Variants in PCDH9 observed in about 807,000 individuals in gnomAD.
PCDH9 encodes protocadherin 9, also known as protocadherin-9.
A neutral mutation model predicts 70.6 loss-of-function variants in PCDH9; 24 were observed. The ratio of observed to expected loss-of-function variants is 0.34; its 90% CI spans 0.25 to 0.48. The LOEUF (loss-of-function observed/expected upper bound fraction) is 0.48, where lower values mean the gene tolerates loss of function less well. Among genes scored for constraint, PCDH9 ranks in the 20% least tolerant of loss-of-function variants. The probability of loss-of-function intolerance (pLI) is 0.99; values close to 1 mark genes in which losing one functional copy is unlikely to be tolerated. For missense variants in PCDH9, 1,281 were observed against 1,503.6 expected (o/e 0.85, Z 2.45); for synonymous variants, 562 against 558.5 (o/e 1.01, Z -0.09).
At chr13:66,576,192 A>C (rs886841612) in intron 4 of PCDH9, among the ~76,000 whole-genome samples, 1 of 151,974 alleles carries the variant, frequency 6.6e-6, no homozygotes, top group African/African-American at 2.4e-5. Context: ...ATTTATAAAC[A>C]CTTTATTTCT....
intron 3 of PCDH9, among the ~76,000 whole-genome samples, chr13:66,684,907 T>C (rs2078378513): frequency 6.6e-6 from 1 of 152,098 alleles, no homozygotes; most frequent in African/African-American, 2.4e-5. Context: ...TAGAGACTTG[T>C]TGAATGCAAA....
At chr13:66,340,771 G>A (rs1400102010) in intron 4 of PCDH9, among the ~76,000 whole-genome samples, 1 of 152,164 alleles carries the variant, frequency 6.6e-6, no homozygotes, top group Non-Finnish European at 1.5e-5. Context: ...CTACCTGTGT[G>A]ATGATCCAAC....
At chr13:66,968,737 C>A (rs1353453374) in intron 2 of PCDH9, among the ~76,000 whole-genome samples, 1 of 151,940 alleles carries the variant, frequency 6.6e-6, no homozygotes, top group Non-Finnish European at 1.5e-5. Context: ...TATCACAACA[C>A]CAGAAACCTC....
At chr13:66,479,155 T>C (rs1426472416) in intron 4 of PCDH9, among the ~76,000 whole-genome samples, 1 of 152,194 alleles carries the variant, frequency 6.6e-6, no homozygotes, top group African/African-American at 2.4e-5. Context: ...GCCTATCTTT[T>C]GAGAGCATGG....
chr13:67,127,888 T>C (rs1161327063), intron 2 of PCDH9, among the ~76,000 whole-genome samples: 1 of 152,068 alleles, frequency 6.6e-6, no homozygotes, highest in Non-Finnish European at 1.5e-5. Flanking sequence ...TATATGTCTG[T>C]CATTTTGTTA....
chr13:66,719,419 A>G (rs1181790494), intron 3 of PCDH9, among the ~76,000 whole-genome samples: 1 of 152,134 alleles, frequency 6.6e-6, no homozygotes, highest in Non-Finnish European at 1.5e-5. Flanking sequence ...GATTAGTGTT[A>G]TTATGAAAGA....
intron 4 of PCDH9, among the ~76,000 whole-genome samples, chr13:66,533,597 C>T (rs1393215151): frequency 2.0e-5 from 3 of 151,978 alleles, no homozygotes; most frequent in Non-Finnish European, 2.9e-5. Flanking sequence ...GACATTCAAC[C>T]TAATGATTGA....
chr13:67,032,618 A>G (rs530577940), intron 2 of PCDH9, among the ~76,000 whole-genome samples: 20 of 152,342 alleles, frequency 1.3e-4, no homozygotes, highest in Non-Finnish European at 2.5e-4. Flanking sequence ...GGGTGTTTTT[A>G]TATGTTATTA....
At chr13:66,590,053 A>G (rs2077018746) in intron 4 of PCDH9, among the ~76,000 whole-genome samples, 1 of 152,066 alleles carries the variant, frequency 6.6e-6, no homozygotes, top group Non-Finnish European at 1.5e-5. Flanking sequence ...TGGCCAAAAT[A>G]AAAGCAGAGT....
chr13:66,367,855 CTG>C (rs1225776486), intron 4 of PCDH9, among the ~76,000 whole-genome samples: 1 of 152,060 alleles, frequency 6.6e-6, no homozygotes, highest in Non-Finnish European at 1.5e-5. Flanking sequence ...TCTAGGAACT[CTG>C]TAAAGCTTAT....
At chr13:67,124,019 A>G (rs1347358256) in intron 2 of PCDH9, among the ~76,000 whole-genome samples, 7 of 152,184 alleles carry the variant, frequency 4.6e-5, no homozygotes, top group African/African-American at 1.4e-4. Context: ...ATGCCTAGCC[A>G]TGACTGAATA....
At chr13:66,559,833 T>TATATATATACAC (rs777316241) in intron 4 of PCDH9, among the ~76,000 whole-genome samples, 3 of 87,120 alleles carry the variant, frequency 3.4e-5, no homozygotes, top group Admixed American at 1.8e-4. Flanking sequence ...TATATATATA[T>TATATATATACAC]ACACACACAC....
At chr13:66,967,734 CA>C (rs1401703824) in intron 2 of PCDH9, among the ~76,000 whole-genome samples, 1 of 151,960 alleles carries the variant, frequency 6.6e-6, no homozygotes, top group Non-Finnish European at 1.5e-5. Flanking sequence ...TTAATTTGAT[CA>C]TTGTATTTTA....
chr13:66,326,912 A>C (rs1166014315), intron 4 of PCDH9, among the ~76,000 whole-genome samples: 2 of 150,682 alleles, frequency 1.3e-5, no homozygotes, highest in Non-Finnish European at 2.9e-5. Flanking sequence ...TTAGTTTCAG[A>C]CCTGCTGCTT....
intron 2 of PCDH9, among the ~76,000 whole-genome samples, chr13:67,011,446 A>G (rs1196424549): frequency 6.6e-6 from 1 of 151,876 alleles, no homozygotes; most frequent in African/African-American, 2.4e-5. Context: ...GAGATGGGAA[A>G]TTTGCCAGAA....
At chr13:67,006,088 C>G (rs541903591) in intron 2 of PCDH9, among the ~76,000 whole-genome samples, 2 of 152,106 alleles carry the variant, frequency 1.3e-5, no homozygotes, top group African/African-American at 2.4e-5. Context: ...TTAGTCGGGC[C>G]TGGCGGCAGG....
At chr13:66,818,600 C>G (rs1325393681) in intron 3 of PCDH9, among the ~76,000 whole-genome samples, 1 of 152,124 alleles carries the variant, frequency 6.6e-6, no homozygotes, top group African/African-American at 2.4e-5. Context: ...AAATCCTGGT[C>G]AAGCCAGAAA....
At chr13:67,173,585 G>A (rs1250631088) in intron 2 of PCDH9, among the ~76,000 whole-genome samples, 2 of 152,020 alleles carry the variant, frequency 1.3e-5, no homozygotes, top group Non-Finnish European at 2.9e-5. Flanking sequence ...CTGGAATGGT[G>A]AACTCAAATC....
chr13:66,562,326 A>C (rs971642060), intron 4 of PCDH9, among the ~76,000 whole-genome samples: 5 of 152,190 alleles, frequency 3.3e-5, no homozygotes, highest in African/African-American at 1.2e-4. Context: ...AAACCTTTAG[A>C]GCTCCTAGTT....
Sources: allele counts gnomAD v4.1 joint callset (sites outside exome capture counted in the v4.1 genomes callset), GRCh38; gene constraint gnomAD v4.1.1; transcripts MANE v1.5; gene names NCBI Gene and HGNC (gene_info 2026-07-23, HGNC 2026-07-21).